The following TTC39C variants were observed in gnomAD, a reference collection of about 807,000 sequenced individuals.
TTC39C encodes tetratricopeptide repeat domain 39C, also known as tetratricopeptide repeat protein 39C.
TTC39C carries 33 observed loss-of-function variants against 76.3 expected under a neutral mutation model. The ratio of observed to expected loss-of-function variants is 0.43; its 90% CI spans 0.33 to 0.58. The LOEUF (loss-of-function observed/expected upper bound fraction) is 0.58. Ranked by LOEUF, TTC39C falls within the 20% of genes least tolerant of loss-of-function variation. The pLI is 0.04. For missense variants in TTC39C, 595 were observed against 701.4 expected (o/e 0.85, Z 1.71); for synonymous variants, 254 against 260.6 (o/e 0.97, Z 0.24).
chr18:23,997,311 G>T (rs1207303599), intron 1 of TTC39C, among the ~76,000 whole-genome samples: 5 of 152,140 alleles, frequency 3.3e-5, no homozygotes, highest in Non-Finnish European at 7.4e-5. Flanking sequence ...AGCACTTTGG[G>T]AGGCCAAGGC....
intron 6 of TTC39C, among the ~76,000 whole-genome samples, chr18:24,092,123 A>AAAAAAAAATAAT (rs1555775346): frequency 2.0e-5 from 1 of 50,500 alleles, no homozygotes; most frequent in African/African-American, 5.0e-5. Flanking sequence ...AAAAAAAAAA[A>AAAAAAAAATAAT]AATAATAATA....
intron 1 of TTC39C, among the ~76,000 whole-genome samples, chr18:24,062,567 C>T (rs907061685): frequency 6.6e-6 from 1 of 152,132 alleles, no homozygotes; most frequent in Non-Finnish European, 1.5e-5. Flanking sequence ...GATCTAGGTT[C>T]ATGGGTGTGA....
intron 1 of TTC39C, among the ~76,000 whole-genome samples, chr18:24,029,669 C>G (rs141398039): frequency 1.3e-3 from 95 of 75,108 alleles, no homozygotes; most frequent in Middle Eastern, 5.1e-3. Context: ...ACCCTTCCCC[C>G]GCTGAGTCCC....
chr18:24,045,969 T>C (rs1599269702), intron 1 of TTC39C, among the ~76,000 whole-genome samples: 2 of 124,070 alleles, frequency 1.6e-5, no homozygotes, highest in East Asian at 2.7e-4. Context: ...GACGGAGACT[T>C]GCTCTGTCAC....
chr18:24,024,666 G>A (rs984137327), intron 1 of TTC39C, among the ~76,000 whole-genome samples: 2 of 152,142 alleles, frequency 1.3e-5, no homozygotes. Context: ...CTGACAGAGT[G>A]TCTCAGAAAA....
intron 1 of TTC39C, among the ~76,000 whole-genome samples, chr18:24,058,170 G>T (rs1288659118): frequency 6.6e-6 from 1 of 152,102 alleles, no homozygotes; most frequent in African/African-American, 2.4e-5. Context: ...GAGGGTGGAG[G>T]GTAGGAAGAG....
intron 10 of TTC39C, 25 bp from the exon 11 acceptor site, chr18:24,128,861 T>C (rs780482530): frequency 6.3e-7 from 1 of 1,589,938 alleles, no homozygotes; most frequent in East Asian, 2.2e-5. Context: ...TGCTTACTGC[T>C]CTGTTCACTC....
At chr18:24,065,105 G>T (rs1370668532) in intron 2 of TTC39C, among the ~76,000 whole-genome samples, 2 of 152,216 alleles carry the variant, frequency 1.3e-5, no homozygotes, top group East Asian at 3.8e-4. Flanking sequence ...AGGAGGAGGA[G>T]AAGCAAGGCC....
chr18:24,090,612 A>G (rs1285579955), intron 6 of TTC39C, among the ~76,000 whole-genome samples: 1 of 151,964 alleles, frequency 6.6e-6, no homozygotes, highest in Non-Finnish European at 1.5e-5. Context: ...CCTAAACTCA[A>G]GGGCCCCAAA....
chr18:24,075,774 C>A (rs1327759443), intron 4 of TTC39C, among the ~76,000 whole-genome samples: 1 of 152,054 alleles, frequency 6.6e-6, no homozygotes, highest in East Asian at 1.9e-4. Flanking sequence ...AACCAGCCTC[C>A]TTCCGGGACA....
At chr18:24,045,142 G>C (rs1211959471) in intron 1 of TTC39C, among the ~76,000 whole-genome samples, 1 of 151,936 alleles carries the variant, frequency 6.6e-6, no homozygotes, top group African/African-American at 2.4e-5. Context: ...GGTGGCACAC[G>C]CCTGTAGTCT....
intron 1 of TTC39C, among the ~76,000 whole-genome samples, chr18:24,045,371 T>C (rs753882558): frequency 6.6e-6 from 1 of 151,660 alleles, no homozygotes; most frequent in African/African-American, 2.4e-5. Flanking sequence ...CACAGCAAAG[T>C]ATAAGGCGCT....
upstream of TTC39C, among the ~76,000 whole-genome samples, chr18:24,010,001 A>G (rs1040501059): frequency 6.6e-6 from 1 of 152,234 alleles, no homozygotes; most frequent in African/African-American, 2.4e-5. Context: ...CCTTCCTTAG[A>G]GGCAAGTTAG....
intron 6 of TTC39C, among the ~76,000 whole-genome samples, chr18:24,084,259 G>A (rs573783903): frequency 3.3e-5 from 5 of 152,286 alleles, no homozygotes; most frequent in East Asian, 1.9e-4. Context: ...TGAGGCAGGT[G>A]TATCACCTGA....
intron 1 of TTC39C, among the ~76,000 whole-genome samples, chr18:24,043,121 A>G (rs940154711): frequency 2.0e-5 from 3 of 152,226 alleles, no homozygotes; most frequent in African/African-American, 7.2e-5. Context: ...CAGACTAAGT[A>G]GTTGAAAATA....
chr18:24,095,025 C>T (rs2084571121), intron 6 of TTC39C, among the ~76,000 whole-genome samples: 1 of 152,248 alleles, frequency 6.6e-6, no homozygotes, highest in Admixed American at 6.5e-5. Context: ...TTTGTCTCCA[C>T]TGAAAGTCTG....
chr18:24,015,224 C>T (rs1471984154), intron 1 of TTC39C, 186 bp downstream of exon 1: 2 of 522,348 alleles, frequency 3.8e-6, no homozygotes, highest in Non-Finnish European at 6.3e-6. Flanking sequence ...CTCGTCCACC[C>T]CCTACCCCCG....
intron 1 of TTC39C, among the ~76,000 whole-genome samples, chr18:24,036,524 T>C (rs2083734871): frequency 6.6e-6 from 1 of 152,232 alleles, no homozygotes; most frequent in African/African-American, 2.4e-5. Context: ...TCATTGTTAG[T>C]GTGTAGAAAT....
chr18:24,079,857 C>T (rs565720007), intron 4 of TTC39C, among the ~76,000 whole-genome samples: 3 of 150,690 alleles, frequency 2.0e-5, no homozygotes, highest in African/African-American at 4.9e-5. Context: ...GCTGGCATGC[C>T]GTGGCACAGT....
Sources: allele counts gnomAD v4.1 joint callset (sites outside exome capture counted in the v4.1 genomes callset), GRCh38; gene constraint gnomAD v4.1.1; transcripts MANE v1.5; gene names NCBI Gene and HGNC (gene_info 2026-07-23, HGNC 2026-07-21).